The following ZSCAN32 variants were observed in gnomAD, a reference collection of about 807,000 sequenced individuals.
The protein encoded by ZSCAN32 is zinc finger and SCAN domain-containing protein 32.
Under a neutral mutation model 47.4 loss-of-function variants are expected in ZSCAN32, and 52 were observed. That is an observed-to-expected ratio of 1.10 (90% CI 0.88 to 1.38). The LOEUF is 1.38. Among genes scored for constraint, ZSCAN32 ranks in the 40% most tolerant of loss-of-function variants. The probability of loss-of-function intolerance (pLI) is 0.00; values close to 1 mark genes in which losing one functional copy is unlikely to be tolerated. For synonymous variants in ZSCAN32, 346 were observed against 305.7 expected (o/e 1.13, Z -1.38); for missense variants, 959 against 846.0 (o/e 1.13, Z -1.66).
At position 3,382,603 on chromosome 16, in the gene ZSCAN32, A is replaced by G. The variant is rs2031348917; in HGVS notation, c.*249T>C. On this transcript the variant is annotated 3_prime_UTR_variant, in exon 7 of 7. Transcript: ENST00000396852. Reference sequence around the variant, plus strand: ...AACAGGAAGACCCTGGTTTCCTGGTAGAATTTATGGATCCTACAGCTTTCT... The same window carrying G: ...AACAGGAAGACCCTGGTTTCCTGGTGGAATTTATGGATCCTACAGCTTTCT... 2.7e-6 allele frequency: 1 copy of G among 375,586 alleles called. No individual in the cohort carries two copies. Among genetic ancestry groups the G allele is most frequent in the Non-Finnish European group, 4.6e-6 (1 of 218,696 alleles). The allele number at this position is 375,586 out of a possible 1,614,324, so 23.3% of individuals were successfully genotyped here.
rs1420780265 is a variant in ZSCAN32, at chr16:3,393,630, G to A, written c.532+19C>T. On this transcript the variant is annotated intron_variant, in intron 3 of 6. Transcript: ENST00000396852. ...TTGTTCCTCACCTGCCTCAGGTGAG[G>A]ACAGAGGCTTCTGCTTACCTTCTGA... 3 of 1,536,934 alleles carry A rather than the reference G, an allele frequency of 2.0e-6. No homozygotes were observed. The highest frequency in any genetic ancestry group is 2.0e-5 in the Admixed American group (1 of 50,190).
At position 3,384,714 on chromosome 16, in the gene ZSCAN32, C is replaced by T. The variant is rs746848827; in HGVS notation, c.979G>A (p.Glu327Lys). ...YRKVRRGRVP[E>K]PCIFYEEMNA... ...ATTTCCTCATAAAAGATACAAGGCT[C>T]AGGCACACGGCCTCTCCTCACTTTG... Residue 327 changes from glutamate (E) to lysine (K), a missense_variant, in exon 6 of 7, where the codon GAG becomes AAG. Physicochemically the swap from Glu to Lys is moderately conservative, Grantham distance 56. Coordinates refer to ENST00000396852, the MANE Select transcript of ZSCAN32 (RefSeq NM_001284527.2). 5 of 1,614,104 alleles carry T rather than the reference C, an allele frequency of 3.1e-6. No homozygotes were observed. The African/African-American group carries it at 4.0e-5, about 13-fold the overall frequency.
In ZSCAN32 at chr16:3,383,257, G is replaced by A. The variant is rs2031471548; in HGVS notation, c.1689C>T (p.Asn563=). The change falls in exon 7 of 7, where the codon AAC becomes AAT. Residue 563 remains asparagine (N), a synonymous_variant. Transcript: ENST00000396852. ...ECGKGFSERS[N]LTAHLRTHTG... ...TGTGAGTTCGTAGGTGGGCAGTGAG[G>A]TTGGAGCGCTCACTAAAGCCCTTCC... 1.2e-6 allele frequency: 2 copies of A among 1,614,060 alleles called. No individual in the cohort carries two copies. Among genetic ancestry groups the A allele is most frequent in the Non-Finnish European group, 8.5e-7 (1 of 1,180,012 alleles).
chr16:3,394,561 C>G (rs769325165), intron 2 of ZSCAN32, among the ~76,000 whole-genome samples: 1 of 152,108 alleles, frequency 6.6e-6, no homozygotes, highest in African/African-American at 2.4e-5. Flanking sequence ...ACTGCTGGAC[C>G]CTCCAATCCA....
intron 5 of ZSCAN32, among the ~76,000 whole-genome samples, 198 bp from the exon 6 acceptor site, chr16:3,385,139 A>G (rs543138418): frequency 6.6e-6 from 1 of 152,284 alleles, no homozygotes; most frequent in African/African-American, 2.4e-5. Context: ...CCTGGCCAAC[A>G]TGGTGAAACC....
chr16:3,384,176 GA>G (rs2031638484), intron 6 of ZSCAN32: 1 of 560,514 alleles, frequency 1.8e-6, no homozygotes, highest in Admixed American at 3.5e-5. Flanking sequence ...GGAGAAGATG[GA>G]CCTGGTCTGG....
chr16:3,389,327 G>A (rs1336381327), intron 5 of ZSCAN32, among the ~76,000 whole-genome samples: 5 of 152,204 alleles, frequency 3.3e-5, no homozygotes, highest in Non-Finnish European at 7.3e-5. Context: ...ACAGCCTTGT[G>A]TAGTCCCTCC....
chr16:3,383,653 T>G lies in ZSCAN32; in HGVS notation c.1293A>C (p.Glu431Asp). 2 of 1,610,250 alleles carry G rather than the reference T, an allele frequency of 1.2e-6. No individual in the cohort carries two copies. The highest frequency in any genetic ancestry group is 1.7e-6 in the Non-Finnish European group (2 of 1,179,496). Residue 431 changes from glutamate to aspartate, a missense_variant, in exon 7 of 7, where the codon GAA (glutamate) becomes GAC (aspartate). Coordinates refer to ENST00000396852, the MANE Select transcript of ZSCAN32 (RefSeq NM_001284527.2). ...TCTGTAAAGCCTTGTTTATTTCTAC[T>G]TCCTCTGAATCATCCCATTTTAGAT... ...KENLKWDDSE[E>D]VEINKALQRK...
In ZSCAN32 at chr16:3,382,894, C is replaced by T. The variant is rs2031388127; in HGVS notation, c.2052G>A (p.Met684Ile). The T allele has an allele frequency of 1.3e-6, 2 of 1,599,652 alleles. No homozygotes were observed. The highest frequency in any genetic ancestry group is 1.7e-6 in the Non-Finnish European group (2 of 1,172,096). Residue 684 changes from methionine to isoleucine, a missense_variant, in exon 7 of 7, where the codon ATG (methionine) becomes ATA (isoleucine). Transcript: ENST00000396852. Reference sequence around the variant, plus strand: ...CTTCCTGTGATGAGAGTACTGCTTTCATGTGTACTGTCTGATGACGGGTGA... The same window carrying T: ...CTTCCTGTGATGAGAGTACTGCTTTTATGTGTACTGTCTGATGACGGGTGA... ...SALTRHQTVH[M>I]KAVLSSQEGR...
At chr16:3,400,415 C>G (rs1250299136) in intron 1 of ZSCAN32, among the ~76,000 whole-genome samples, 1 of 152,168 alleles carries the variant, frequency 6.6e-6, no homozygotes, top group Non-Finnish European at 1.5e-5. Context: ...AATAAAAGCT[C>G]TTCTAACTTC....
rs1484227334 is a variant in ZSCAN32, at chr16:3,397,362, G to A, written c.196C>T (p.Leu66=). 6.4e-7 allele frequency: 1 copy of A among 1,557,530 alleles called. No homozygotes were observed. The highest frequency in any genetic ancestry group is 2.4e-5 in the East Asian group (1 of 41,600). The change falls in exon 2 of 7, where the codon CTG becomes TTG. Residue 66 remains leucine (L), a synonymous_variant. Transcript: ENST00000396852. ...SKLWELCCQW[L]RPKTHSKEEI... ...TCTTTTGAGTGGGTCTTCGGCCTCA[G>A]CCACTGACAACAGAGTTCCCAGAGT...
chr16:3,400,642 A>G (rs2150917834), intron 1 of ZSCAN32, among the ~76,000 whole-genome samples: 2 of 152,336 alleles, frequency 1.3e-5, no homozygotes, highest in Non-Finnish European at 2.9e-5. Context: ...ACTCGGTGCC[A>G]GGGCTAGGCA....
intron 5 of ZSCAN32, among the ~76,000 whole-genome samples, chr16:3,387,597 A>G (rs1392489900): frequency 6.6e-6 from 1 of 152,184 alleles, no homozygotes; most frequent in Non-Finnish European, 1.5e-5. Flanking sequence ...GATGCTCTGA[A>G]GCGCACCAGC....
chr16:3,389,352 C>T (rs919987828), intron 5 of ZSCAN32, among the ~76,000 whole-genome samples: 5 of 152,180 alleles, frequency 3.3e-5, no homozygotes, highest in Non-Finnish European at 4.4e-5. Flanking sequence ...CTGGGCTTAG[C>T]CAGGAGTACC....
chr16:3,397,828 T>A, intron 1 of ZSCAN32, 84 bp from the exon 2 acceptor site: 18 of 326,062 alleles, frequency 5.5e-5, no homozygotes, highest in South Asian at 4.2e-4. Flanking sequence ...ATCCCTTTCC[T>A]TTACTCCCTC....
In ZSCAN32 at chr16:3,397,444, C is replaced by A. The variant is rs945701908; in HGVS notation, c.114G>T (p.Gln38His). 3.2e-6 allele frequency: 5 copies of A among 1,551,076 alleles called. No homozygotes were observed. The highest frequency in any genetic ancestry group is 1.7e-4 in the Middle Eastern group (1 of 6,014). The change falls in exon 2 of 7, where the codon CAG becomes CAT. Residue 38 changes from glutamine (Q) to histidine (H), a missense_variant. Physicochemically the swap from Gln to His is conservative, Grantham distance 24. Transcript: ENST00000396852. ...GNSPDSEASR[Q>H]RFRQFCYQEV... ...CCTGGTAGCAAAACTGCCTGAAGCGCTGACGGGAGGCCTCGGAGTCAGGGC... is the reference window on the plus strand; with the variant it reads ...CCTGGTAGCAAAACTGCCTGAAGCGATGACGGGAGGCCTCGGAGTCAGGGC...
At chr16:3,384,339 G>T in intron 6 of ZSCAN32, 120 bp downstream of exon 6, 1 of 1,407,260 alleles carries the variant, frequency 7.1e-7, no homozygotes, top group Non-Finnish European at 9.7e-7. Context: ...CTTGGATAGG[G>T]TCACACATCA....
At chr16:3,393,628 A>C in intron 3 of ZSCAN32, 21 bp downstream of exon 3, 1 of 1,523,570 alleles carries the variant, frequency 6.6e-7, no homozygotes, top group Non-Finnish European at 8.8e-7. Flanking sequence ...GCCTCAGGTG[A>C]GGACAGAGGC....
intron 5 of ZSCAN32, among the ~76,000 whole-genome samples, chr16:3,386,491 CGTAT>C (rs1303063283): frequency 6.6e-6 from 1 of 152,042 alleles, no homozygotes; most frequent in Non-Finnish European, 1.5e-5. Flanking sequence ...CACATGCACA[CGTAT>C]GTTTATTGCG....
Sources: allele counts gnomAD v4.1 joint callset (sites outside exome capture counted in the v4.1 genomes callset), GRCh38; gene constraint gnomAD v4.1.1; transcripts MANE v1.5; gene names NCBI Gene and HGNC (gene_info 2026-07-23, HGNC 2026-07-21).